LHPP: variants seen among roughly 807,000 people sequenced by gnomAD.
The protein encoded by LHPP is phospholysine phosphohistidine inorganic pyrophosphate phosphatase, also known as hLHPP.
In LHPP, 24 loss-of-function variants were observed where a neutral mutation model predicts 30.3. The observed-to-expected ratio is 0.79, with a 90% confidence interval of 0.57 to 1.11. The LOEUF is 1.11. Among genes scored for constraint, LHPP ranks in the 50% most tolerant of loss-of-function variants. The pLI is 0.00. For missense variants in LHPP, 356 were observed against 367.2 expected, an observed-to-expected ratio of 0.97 and a Z score of 0.25; for synonymous variants, 150 against 157.1, an observed-to-expected ratio of 0.95 and a Z score of 0.34.
At chr10:124,526,118 G>T in intron 6 of LHPP, 1 of 924,000 alleles carries the variant, frequency 1.1e-6, no homozygotes, top group Non-Finnish European at 1.3e-6. Context: ...AGGGATTGAG[G>T]GAGCGTCAGC....
chr10:124,488,702 T>A (rs1953417222), intron 3 of LHPP, 127 bp downstream of exon 3: 3 of 757,406 alleles, frequency 4.0e-6, no homozygotes, highest in Middle Eastern at 7.1e-4. Context: ...GATCTTCTTT[T>A]CCCTCCCTTT....
At chr10:124,495,118 C>T (rs936405873) in intron 3 of LHPP, among the ~76,000 whole-genome samples, 13 of 152,266 alleles carry the variant, frequency 8.5e-5, no homozygotes, top group Admixed American at 6.5e-4. Flanking sequence ...TTGAAGTCTG[C>T]GTTTAAGACA....
intron 5 of LHPP, among the ~76,000 whole-genome samples, chr10:124,500,977 C>A (rs1953880808): frequency 6.6e-6 from 1 of 151,762 alleles, no homozygotes; most frequent in Non-Finnish European, 1.5e-5. Flanking sequence ...TACACAATAG[C>A]CAAAAGGTAA....
At chr10:124,606,525 TC>T (rs1949095107) in intron 6 of LHPP, among the ~76,000 whole-genome samples, 1 of 152,032 alleles carries the variant, frequency 6.6e-6, no homozygotes, top group Non-Finnish European at 1.5e-5. Flanking sequence ...AGCTGCAGGG[TC>T]CCCAGGTGCA....
chr10:124,562,659 T>C (rs958833755), intron 6 of LHPP, among the ~76,000 whole-genome samples: 2 of 152,014 alleles, frequency 1.3e-5, no homozygotes, highest in African/African-American at 4.8e-5. Context: ...AGGCCAGGCG[T>C]GGTGGCTCAC....
intron 6 of LHPP, among the ~76,000 whole-genome samples, chr10:124,534,722 G>A (rs768598601): frequency 3.0e-4 from 45 of 152,292 alleles, no homozygotes; most frequent in Admixed American, 9.8e-4. Flanking sequence ...ATGCGCTCTC[G>A]GGGCTTCGGG....
intron 6 of LHPP, among the ~76,000 whole-genome samples, chr10:124,585,351 G>A (rs980646834): frequency 4.6e-5 from 7 of 151,876 alleles, no homozygotes; most frequent in Non-Finnish European, 7.4e-5. Flanking sequence ...GCGGTGGCTC[G>A]TGCCTATAAT....
At chr10:124,602,170 T>G (rs2362505) in intron 6 of LHPP, among the ~76,000 whole-genome samples, 91,149 of 152,080 alleles carry the variant, frequency 0.6, 27,499 homozygotes, top group East Asian at 0.68. Context: ...AGCCCAGATT[T>G]CGATTCTTGT....
chr10:124,562,456 C>T (rs1471923079), intron 6 of LHPP, among the ~76,000 whole-genome samples: 1 of 152,060 alleles, frequency 6.6e-6, no homozygotes, highest in Non-Finnish European at 1.5e-5. Context: ...AGTCTGTGAA[C>T]TTGAAGGCAG....
intron 1 of LHPP, among the ~76,000 whole-genome samples, chr10:124,475,022 TCTC>T (rs1358349092): frequency 2.0e-5 from 2 of 100,446 alleles, no homozygotes; most frequent in Non-Finnish European, 4.0e-5. Flanking sequence ...GCCAGGTGCT[TCTC>T]ATGTCTTTTT....
At chr10:124,515,043 C>A (rs1210534793) in intron 5 of LHPP, among the ~76,000 whole-genome samples, 1 of 152,272 alleles carries the variant, frequency 6.6e-6, no homozygotes, top group East Asian at 1.9e-4. Flanking sequence ...CTCAAGTGAT[C>A]CTCCCACCTC....
In LHPP at chr10:124,526,316, C is replaced by T. The variant is rs886156602; in HGVS notation, c.716+9045C>T. 21 of 816,846 alleles carry T rather than the reference C, an allele frequency of 2.6e-5. No homozygotes were observed. The South Asian group carries it at 3.9e-4, about 15-fold the overall frequency. 50.6% of individuals were successfully genotyped at this position (816,846 alleles called of 1,614,324 possible). ...CATGCTTACACACACTCAGCCTCAG[C>T]TCGTCTACACCCTGCAACAGCCCAG... On this transcript the variant is annotated intron_variant, in intron 6 of 6. Coordinates refer to ENST00000368842, the MANE Select transcript of LHPP (RefSeq NM_022126.4).
At chr10:124,501,898 C>T (rs58290164) in intron 5 of LHPP, among the ~76,000 whole-genome samples, 32,130 of 151,692 alleles carry the variant, frequency 0.21, 3,679 homozygotes, top group Middle Eastern at 0.37. Context: ...ACTTGTGTGT[C>T]GTTTTTATGT....
intron 1 of LHPP, among the ~76,000 whole-genome samples, chr10:124,466,000 G>A (rs1000812504): frequency 1.3e-5 from 2 of 152,140 alleles, no homozygotes; most frequent in African/African-American, 4.8e-5. Context: ...GCTTGCAGAA[G>A]ATACATTTGA....
intron 6 of LHPP, among the ~76,000 whole-genome samples, chr10:124,611,654 G>A (rs1949200949): frequency 6.6e-6 from 1 of 152,084 alleles, no homozygotes; most frequent in African/African-American, 2.4e-5. Context: ...CACAGCCTCA[G>A]CAGTCCCTGA....
intron 5 of LHPP, among the ~76,000 whole-genome samples, chr10:124,506,262 A>AG (rs1312484050): frequency 1.9e-5 from 2 of 104,770 alleles, no homozygotes; most frequent in South Asian, 4.6e-4. Context: ...AAAAACAACA[A>AG]ACCCCCCCCC....
At chr10:124,524,033 A>G (rs969442044) in intron 6 of LHPP, among the ~76,000 whole-genome samples, 1 of 152,088 alleles carries the variant, frequency 6.6e-6, no homozygotes. Flanking sequence ...AAGCCTGTAC[A>G]CTTTTTTCTT....
At chr10:124,564,255 C>G (rs1012061376) in intron 6 of LHPP, among the ~76,000 whole-genome samples, 3 of 151,964 alleles carry the variant, frequency 2.0e-5, no homozygotes, top group Admixed American at 6.6e-5. Context: ...TCCCGAGTAG[C>G]TGGGACTACA....
At chr10:124,591,222 G>A (rs975768919) in intron 6 of LHPP, among the ~76,000 whole-genome samples, 1 of 152,222 alleles carries the variant, frequency 6.6e-6, no homozygotes, top group East Asian at 1.9e-4. Flanking sequence ...AGCCGGCATG[G>A]CCTGAGCTGC....
Sources: gnomAD v4.1 joint callset for allele counts (sites outside exome capture counted in the v4.1 genomes callset) on GRCh38, gnomAD v4.1.1 for gene constraint, MANE v1.5 for transcripts, NCBI Gene and HGNC (gene_info 2026-07-23, HGNC 2026-07-21) for gene names.